PDE4B: variants seen among roughly 807,000 people sequenced by gnomAD.
PDE4B encodes the protein phosphodiesterase 4B.
A neutral mutation model predicts 82.2 loss-of-function variants in PDE4B; 20 were observed. The ratio of observed to expected loss-of-function variants is 0.24; its 90% CI spans 0.17 to 0.35. PDE4B has a LOEUF of 0.35. Ranked by LOEUF, PDE4B falls within the 10% of genes least tolerant of loss-of-function variation. PDE4B has a pLI of 1.00. For missense variants in PDE4B, 655 were observed against 907.2 expected (o/e 0.72, Z 3.57); for synonymous variants, 320 against 318.9 (o/e 1.00, Z -0.04).
chr1:66,011,430 T>C (rs1049014511), intron 3 of PDE4B, among the ~76,000 whole-genome samples: 2 of 152,052 alleles, frequency 1.3e-5, no homozygotes, highest in African/African-American at 4.8e-5. Context: ...AGTGAGTACA[T>C]AAACCAAAAC....
At chr1:65,865,083 TGAG>T (rs1646496318) in intron 1 of PDE4B, among the ~76,000 whole-genome samples, 1 of 152,148 alleles carries the variant, frequency 6.6e-6, no homozygotes, top group African/African-American at 2.4e-5. Flanking sequence ...CACTGCCCAG[TGAG>T]GAGGAATCTA....
At chr1:65,946,844 T>A (rs1648739445) in intron 3 of PDE4B, among the ~76,000 whole-genome samples, 1 of 151,936 alleles carries the variant, frequency 6.6e-6, no homozygotes, top group Admixed American at 6.6e-5. Flanking sequence ...TAGTCTCAAG[T>A]GTATTATATG....
chr1:66,005,924 T>G (rs12045610), intron 3 of PDE4B, among the ~76,000 whole-genome samples: 16,096 of 152,140 alleles, frequency 0.11, 1,666 homozygotes, highest in African/African-American at 0.25. Flanking sequence ...CAAGTGGGAT[T>G]AATAATTACC....
chr1:66,203,076 G>A (rs796865441), intron 3 of PDE4B, among the ~76,000 whole-genome samples: 29,428 of 149,758 alleles, frequency 0.2, 3,025 homozygotes, highest in East Asian at 0.25. Context: ...TTGCTTGTCT[G>A]TAAAGTATTT....
At chr1:66,090,681 A>ATC (rs1570203235) in intron 3 of PDE4B, among the ~76,000 whole-genome samples, 4 of 140,572 alleles carry the variant, frequency 2.8e-5, no homozygotes, top group African/African-American at 8.5e-5. Context: ...GTATGTGTAT[A>ATC]TGTATCTGTA....
At chr1:66,287,803 A>G (rs1656787730) in intron 7 of PDE4B, among the ~76,000 whole-genome samples, 1 of 152,046 alleles carries the variant, frequency 6.6e-6, no homozygotes, top group Non-Finnish European at 1.5e-5. Context: ...CCTTATACCT[A>G]CAAAACAAAA....
intron 1 of PDE4B, among the ~76,000 whole-genome samples, chr1:65,880,002 G>A (rs903942594): frequency 6.6e-6 from 1 of 152,194 alleles, no homozygotes; most frequent in Non-Finnish European, 1.5e-5. Flanking sequence ...TGTATTTGCT[G>A]CTTCCCAAAA....
At chr1:66,079,509 A>G (rs1411491363) in intron 3 of PDE4B, among the ~76,000 whole-genome samples, 1 of 152,120 alleles carries the variant, frequency 6.6e-6, no homozygotes, top group Non-Finnish European at 1.5e-5. Context: ...TTTTTGTAGT[A>G]CATCTGTAAT....
At chr1:65,858,713 A>G (rs1045894826) in intron 1 of PDE4B, among the ~76,000 whole-genome samples, 3 of 152,138 alleles carry the variant, frequency 2.0e-5, no homozygotes, top group Middle Eastern at 3.4e-3. Flanking sequence ...TTCTGTCTAT[A>G]TCTTCTGGTT....
intron 3 of PDE4B, among the ~76,000 whole-genome samples, chr1:66,137,573 A>C (rs1014828804): frequency 1.3e-5 from 2 of 152,172 alleles, no homozygotes; most frequent in African/African-American, 2.4e-5. Flanking sequence ...ACAGATCTGG[A>C]ATCTGTGATT....
intron 7 of PDE4B, among the ~76,000 whole-genome samples, chr1:66,313,732 C>G (rs949640106): frequency 6.6e-6 from 1 of 152,266 alleles, no homozygotes; most frequent in East Asian, 1.9e-4. Flanking sequence ...TGGAAGAGAA[C>G]AAGGAGTTGC....
chr1:66,282,031 G>T (rs1336628756), intron 7 of PDE4B, among the ~76,000 whole-genome samples: 1 of 152,144 alleles, frequency 6.6e-6, no homozygotes, highest in African/African-American at 2.4e-5. Flanking sequence ...AGTAAGTAAA[G>T]GTGCATGTGA....
chr1:66,230,107 C>T (rs1651830269), intron 3 of PDE4B, among the ~76,000 whole-genome samples: 1 of 152,222 alleles, frequency 6.6e-6, no homozygotes, highest in Non-Finnish European at 1.5e-5. Context: ...GTCACTTCCA[C>T]AGAGTTGCTT....
intron 3 of PDE4B, among the ~76,000 whole-genome samples, chr1:66,138,791 ACTTTGC>A (rs1481856684): frequency 2.0e-5 from 3 of 152,192 alleles, no homozygotes. Context: ...ACCAAGCTGG[ACTTTGC>A]CTTCTTTCAA....
chr1:65,949,051 A>T (rs1648859063), intron 3 of PDE4B, among the ~76,000 whole-genome samples: 1 of 152,030 alleles, frequency 6.6e-6, no homozygotes, highest in Admixed American at 6.6e-5. Flanking sequence ...TTGCTGACTC[A>T]TTCTGAACTT....
At chr1:65,953,053 C>T (rs943059431) in intron 3 of PDE4B, among the ~76,000 whole-genome samples, 1 of 152,092 alleles carries the variant, frequency 6.6e-6, no homozygotes, top group African/African-American at 2.4e-5. Flanking sequence ...CTAAGCATGT[C>T]TTGGGCCCTT....
intron 3 of PDE4B, among the ~76,000 whole-genome samples, chr1:66,220,979 A>C (rs1185955790): frequency 6.6e-6 from 1 of 152,160 alleles, no homozygotes; most frequent in Non-Finnish European, 1.5e-5. Context: ...TTTATATAAC[A>C]TATATTAATA....
rs573534829 is a variant in PDE4B, at chr1:66,014,273, G to A, written c.281+95438G>A. On this transcript the variant is annotated intron_variant, in intron 3 of 16. Transcript: ENST00000341517. Reference sequence around the variant, plus strand: ...TCACTATACTCTTGTGTTCTCTGATGCACAGAATTTTTACATTTTTATGTA... The same window carrying A: ...TCACTATACTCTTGTGTTCTCTGATACACAGAATTTTTACATTTTTATGTA... Among the ~76,000 whole-genome samples the A allele has an allele frequency of 4.6e-5, 7 of 152,170 alleles. No individual in the cohort carries two copies. The East Asian group carries it at 1.2e-3, about 25-fold the overall frequency.
rs555047062 is a variant in PDE4B, at chr1:66,266,008, A to G, written c.585-30A>G. ...TGGAATGGGCAGTTTTGATACACAG[A>G]CTCAGTCCTTCTTTTCTCTGTCTCC... On this transcript the variant is annotated intron_variant, in intron 6 of 16. Coordinates refer to ENST00000341517, the MANE Select transcript of PDE4B (RefSeq NM_002600.4). 7.5e-5 allele frequency: 120 copies of G among 1,591,836 alleles called. 1 individual carries two copies. In the South Asian group the frequency reaches 1.2e-3, roughly 17 times the overall value.
Sources: allele counts gnomAD v4.1 joint callset (sites outside exome capture counted in the v4.1 genomes callset), GRCh38; gene constraint gnomAD v4.1.1; transcripts MANE v1.5; gene names NCBI Gene and HGNC (gene_info 2026-07-23, HGNC 2026-07-21).